Variants in LRP1B observed in about 807,000 individuals in gnomAD.
The protein encoded by LRP1B is low-density lipoprotein receptor-related protein 1B.
In LRP1B, 217 loss-of-function variants were observed where a neutral mutation model predicts 556.6. That is an observed-to-expected ratio of 0.39 (90% confidence interval 0.35 to 0.44). LRP1B has a LOEUF of 0.44. LRP1B is among the 20% of genes least tolerant of loss of function. The pLI, the probability that LRP1B is intolerant of heterozygous loss-of-function variation, is 1.00. For missense variants in LRP1B, 5,053 were observed against 5,620.8 expected (o/e 0.90, Z 3.23); for synonymous variants, 2,047 against 1,865.8 (o/e 1.10, Z -2.50).
intron 47 of LRP1B, among the ~76,000 whole-genome samples, chr2:140,533,785 G>C (rs1690824697): frequency 6.6e-6 from 1 of 152,116 alleles, no homozygotes; most frequent in African/African-American, 2.4e-5. Flanking sequence ...TGGAACTGAA[G>C]AGGCGAGAAA....
chr2:141,071,501 C>A (rs1471984864), intron 7 of LRP1B, among the ~76,000 whole-genome samples: 3 of 152,058 alleles, frequency 2.0e-5, no homozygotes, highest in Admixed American at 6.6e-5. Flanking sequence ...AAGTTCTGGC[C>A]AGGGCAATTA....
chr2:141,138,577 CA>C (rs1317789651), intron 7 of LRP1B, among the ~76,000 whole-genome samples: 3 of 130,512 alleles, frequency 2.3e-5, no homozygotes, highest in Non-Finnish European at 3.3e-5. Context: ...ATATAAATGT[CA>C]TTTTTTTTTT....
At chr2:141,621,687 C>G (rs534812812) in intron 2 of LRP1B, among the ~76,000 whole-genome samples, 1 of 151,996 alleles carries the variant, frequency 6.6e-6, no homozygotes, top group African/African-American at 2.4e-5. Flanking sequence ...GGAGGGGAGG[C>G]AGAAAATGAA....
At chr2:140,242,681 C>G (rs1035179404) in intron 87 of LRP1B, among the ~76,000 whole-genome samples, 1 of 150,866 alleles carries the variant, frequency 6.6e-6, no homozygotes, top group Admixed American at 6.7e-5. Context: ...TGGAAGGAGA[C>G]TAGTTTGTCT....
intron 3 of LRP1B, among the ~76,000 whole-genome samples, chr2:141,398,771 A>T (rs1690340326): frequency 6.6e-6 from 1 of 152,194 alleles, no homozygotes; most frequent in Non-Finnish European, 1.5e-5. Context: ...ACCCTGGTGG[A>T]CAACCTTACA....
intron 2 of LRP1B, among the ~76,000 whole-genome samples, chr2:141,533,340 A>AAAGC (rs3041306): frequency 0.55 from 82,663 of 151,538 alleles, 23,510 homozygotes; most frequent in South Asian, 0.63. Context: ...TTATAGAGAG[A>AAAGC]AAGCAAGCAT....
intron 1 of LRP1B, among the ~76,000 whole-genome samples, chr2:141,951,709 T>C (rs1208804293): frequency 6.6e-6 from 1 of 152,152 alleles, no homozygotes; most frequent in Non-Finnish European, 1.5e-5. Flanking sequence ...ACATTTCATA[T>C]ATAGACAATT....
intron 41 of LRP1B, among the ~76,000 whole-genome samples, chr2:140,641,435 A>T (rs935402524): frequency 1.3e-5 from 2 of 152,234 alleles, no homozygotes; most frequent in Non-Finnish European, 2.9e-5. Context: ...GCCAAGGGAT[A>T]AGCTTACTGA....
chr2:141,224,826 G>T (rs1683181543), intron 6 of LRP1B, among the ~76,000 whole-genome samples: 1 of 151,726 alleles, frequency 6.6e-6, no homozygotes, highest in Admixed American at 6.6e-5. Flanking sequence ...TGGGGGTGGG[G>T]TGGGGAAGGG....
intron 2 of LRP1B, among the ~76,000 whole-genome samples, chr2:141,563,917 T>G (rs765913985): frequency 9.2e-5 from 14 of 152,022 alleles, no homozygotes; most frequent in Non-Finnish European, 1.5e-4. Flanking sequence ...TTGGGTACTA[T>G]GCTAACTATC....
At chr2:140,289,293 C>T (rs753451516) in intron 84 of LRP1B, among the ~76,000 whole-genome samples, 13 of 151,870 alleles carry the variant, frequency 8.6e-5, no homozygotes, top group South Asian at 4.1e-4. Flanking sequence ...CTATACAATT[C>T]GAAGTCCGCT....
intron 1 of LRP1B, among the ~76,000 whole-genome samples, chr2:142,129,405 T>C (rs1707767183): frequency 6.6e-6 from 1 of 152,222 alleles, no homozygotes; most frequent in Non-Finnish European, 1.5e-5. Flanking sequence ...AAGGCTAGAA[T>C]CTGGCTGCCA....
intron 41 of LRP1B, among the ~76,000 whole-genome samples, chr2:140,672,823 C>T (rs961424293): frequency 1.3e-5 from 2 of 152,078 alleles, no homozygotes; most frequent in East Asian, 1.9e-4. Flanking sequence ...GGAATTTGCA[C>T]CATTAAACAA....
At chr2:141,297,517 A>G (rs189882360) in intron 3 of LRP1B, among the ~76,000 whole-genome samples, 2 of 152,282 alleles carry the variant, frequency 1.3e-5, no homozygotes, top group Admixed American at 1.3e-4. Flanking sequence ...ATCTGAACAT[A>G]GTCTATAGTC....
chr2:141,715,237 G>A (rs1031562012), intron 2 of LRP1B, among the ~76,000 whole-genome samples: 4 of 152,152 alleles, frequency 2.6e-5, no homozygotes, highest in Non-Finnish European at 2.9e-5. Flanking sequence ...GGAAGCCAAG[G>A]TGGGAAGATC....
chr2:140,976,861 A>G (rs1696617517), intron 18 of LRP1B, among the ~76,000 whole-genome samples: 1 of 152,110 alleles, frequency 6.6e-6, no homozygotes, highest in South Asian at 2.1e-4. Flanking sequence ...CCAAAGTTGA[A>G]GGCTTCTAAT....
chr2:140,767,274 T>G (rs1052676639), intron 35 of LRP1B, among the ~76,000 whole-genome samples: 1 of 152,030 alleles, frequency 6.6e-6, no homozygotes, highest in Non-Finnish European at 1.5e-5. Flanking sequence ...CCTTTACATT[T>G]AGAAGAAGAA....
chr2:140,836,647 C>A (rs773141299), intron 31 of LRP1B, among the ~76,000 whole-genome samples: 10 of 152,088 alleles, frequency 6.6e-5, no homozygotes, highest in Non-Finnish European at 1.5e-4. Context: ...TTCATCTGCT[C>A]ACTTTCTTCT....
chr2:141,296,390 A>G (rs1235541576), intron 3 of LRP1B, among the ~76,000 whole-genome samples: 1 of 152,218 alleles, frequency 6.6e-6, no homozygotes, highest in South Asian at 2.1e-4. Context: ...TTAAGCACAG[A>G]CAAATTAAAT....
Sources: gnomAD v4.1 joint callset for allele counts (sites outside exome capture counted in the v4.1 genomes callset) on GRCh38, gnomAD v4.1.1 for gene constraint, MANE v1.5 for transcripts, NCBI Gene and HGNC (gene_info 2026-07-23, HGNC 2026-07-21) for gene names.